DGKB: variants seen among roughly 807,000 people sequenced by gnomAD.
DGKB encodes the protein 90 kDa diacylglycerol kinase.
In DGKB, 67 loss-of-function variants were observed where a neutral mutation model predicts 114.3. The observed-to-expected ratio is 0.59, with a 90% CI of 0.48 to 0.72. DGKB has a LOEUF of 0.72. Among genes scored for constraint, DGKB ranks in the 30% least tolerant of loss-of-function variants. DGKB has a pLI of 0.00. For missense variants in DGKB, 907 were observed against 975.2 expected (o/e 0.93, Z 0.93); for synonymous variants, 398 against 323.1 (o/e 1.23, Z -2.49).
chr7:14,816,073 G>C (rs112326592), intron 2 of DGKB, among the ~76,000 whole-genome samples: 5,777 of 152,226 alleles, frequency 0.038, 363 homozygotes, highest in African/African-American at 0.13. Context: ...GCTCACGTCT[G>C]TAATCCCAGC....
chr7:14,831,320 G>A (rs1586789012), intron 2 of DGKB, among the ~76,000 whole-genome samples: 1 of 151,886 alleles, frequency 6.6e-6, no homozygotes, highest in Non-Finnish European at 1.5e-5. Flanking sequence ...AATATTTATT[G>A]AAAGATAATT....
Position 14,273,044 on chromosome 7 carries a change from A to G in DGKB, c.2122+65471T>C, listed in dbSNP as rs116374500. ...TTGTTACACTATTAGTTCTGAATTC[A>G]TTAGAAAGATCACAGTGGGGTCTAG... On this transcript the variant is annotated intron_variant, in intron 23 of 25. Transcript: ENST00000402815. 9.1e-3 allele frequency among the ~76,000 whole-genome samples: 1,381 copies of G among 152,280 alleles called. 20 individuals are homozygous for G. Among genetic ancestry groups the G allele is most frequent in the African/African-American group, 0.032 (1,310 of 41,554 alleles).
At chr7:14,475,716 A>T (rs1319393690) in intron 21 of DGKB, among the ~76,000 whole-genome samples, 5 of 152,128 alleles carry the variant, frequency 3.3e-5, no homozygotes, top group Non-Finnish European at 7.4e-5. Flanking sequence ...AGAAGTTTTA[A>T]TACAGTTAGT....
At chr7:14,504,122 T>C (rs1203508871) in intron 20 of DGKB, among the ~76,000 whole-genome samples, 1 of 152,190 alleles carries the variant, frequency 6.6e-6, no homozygotes, top group Admixed American at 6.5e-5. Flanking sequence ...CACAATACAC[T>C]ATATCATAGT....
At chr7:14,223,234 A>G (rs1584547492) in intron 23 of DGKB, among the ~76,000 whole-genome samples, 2 of 151,686 alleles carry the variant, frequency 1.3e-5, no homozygotes, top group East Asian at 3.9e-4. Context: ...TTTTGCATTT[A>G]GTATTTTCAA....
At chr7:14,828,958 C>G (rs1846061083) in intron 2 of DGKB, among the ~76,000 whole-genome samples, 1 of 152,006 alleles carries the variant, frequency 6.6e-6, no homozygotes, top group South Asian at 2.1e-4. Flanking sequence ...AACTTGCAAC[C>G]AGACTAATGT....
intron 1 of DGKB, among the ~76,000 whole-genome samples, chr7:14,932,937 T>C (rs897727375): frequency 6.6e-6 from 1 of 152,146 alleles, no homozygotes; most frequent in African/African-American, 2.4e-5. Context: ...GTCGGTCCAG[T>C]AATACCAAAT....
In DGKB at chr7:14,736,208, AT is replaced by A. The variant is rs748147179; in HGVS notation, c.169-15del. 1.6e-5 allele frequency: 18 copies of A among 1,099,584 alleles called. No homozygotes were observed. The highest frequency in any genetic ancestry group is 2.4e-5 in the Non-Finnish European group (18 of 746,516). The allele number at this position is 1,099,584 out of a possible 1,614,324, so 68.1% of individuals were successfully genotyped here. A position where few individuals can be genotyped will look rare whatever the true frequency, so the allele number is the denominator to read the frequency against. On this transcript the variant is annotated splice_polypyrimidine_tract_variant and intron_variant, in intron 4 of 25. Coordinates refer to ENST00000402815, the MANE Select transcript of DGKB (RefSeq NM_001350709.2). ...AAAATCTATTGTCTGGAAAAAAAAA[AT>A]GTAAACATGTATTTTAAGATCCAAC...
At chr7:14,191,993 C>A in intron 23 of DGKB, 1 of 583,488 alleles carries the variant, frequency 1.7e-6, no homozygotes, top group South Asian at 1.5e-5. Context: ...TGGCAAGCTC[C>A]TGTGTTGAGA....
chr7:14,416,815 G>A (rs1447685621), intron 21 of DGKB, among the ~76,000 whole-genome samples: 1 of 151,896 alleles, frequency 6.6e-6, no homozygotes, highest in Admixed American at 6.6e-5. Flanking sequence ...CTTTTTACTG[G>A]GTTTAAATTA....
intron 21 of DGKB, among the ~76,000 whole-genome samples, chr7:14,371,154 G>C (rs1817571338): frequency 6.6e-6 from 1 of 152,112 alleles, no homozygotes; most frequent in South Asian, 2.1e-4. Context: ...CTTTTTGGTA[G>C]AATCATTTAT....
chr7:14,578,469 T>C (rs10235647), intron 19 of DGKB, among the ~76,000 whole-genome samples: 8,487 of 152,270 alleles, frequency 0.056, 800 homozygotes, highest in African/African-American at 0.19. Flanking sequence ...AATCCCACCG[T>C]AAAGCATATT....
intron 25 of DGKB, among the ~76,000 whole-genome samples, chr7:14,169,402 C>T (rs1468361023): frequency 6.6e-6 from 1 of 150,568 alleles, no homozygotes; most frequent in East Asian, 1.9e-4. Flanking sequence ...AACCATGAGT[C>T]CTAGATAACT....
At chr7:14,882,037 G>GT (rs1316871484) in intron 1 of DGKB, among the ~76,000 whole-genome samples, 1 of 151,462 alleles carries the variant, frequency 6.6e-6, no homozygotes, top group Non-Finnish European at 1.5e-5. Flanking sequence ...AGCTTATTTT[G>GT]TATTTTTTAT....
intron 4 of DGKB, among the ~76,000 whole-genome samples, chr7:14,745,516 G>A (rs528723404): frequency 1.3e-5 from 2 of 152,294 alleles, no homozygotes; most frequent in African/African-American, 4.8e-5. Flanking sequence ...AGGGGGGCTT[G>A]CCTAAGCATG....
intron 25 of DGKB, among the ~76,000 whole-genome samples, chr7:14,159,833 C>T (rs890403639): frequency 1.3e-5 from 2 of 151,940 alleles, no homozygotes; most frequent in African/African-American, 2.4e-5. Flanking sequence ...CCACCACGCC[C>T]AGCTAATTTT....
chr7:14,468,973 A>G (rs2128882993), intron 21 of DGKB, among the ~76,000 whole-genome samples: 1 of 152,222 alleles, frequency 6.6e-6, no homozygotes, highest in African/African-American at 2.4e-5. Flanking sequence ...TTTGCATGGA[A>G]ATGATAATAA....
intron 20 of DGKB, among the ~76,000 whole-genome samples, chr7:14,511,753 T>C (rs939297028): frequency 3.3e-5 from 5 of 152,186 alleles, no homozygotes; most frequent in Admixed American, 6.5e-5. Context: ...GTGACAGATA[T>C]GCAACTCTTC....
At chr7:14,383,143 A>G (rs577754836) in intron 21 of DGKB, among the ~76,000 whole-genome samples, 1 of 152,286 alleles carries the variant, frequency 6.6e-6, no homozygotes, top group Admixed American at 6.5e-5. Flanking sequence ...TCTATTTTCA[A>G]TAGTATCTCC....
Sources: gnomAD v4.1 joint callset for allele counts (sites outside exome capture counted in the v4.1 genomes callset) on GRCh38, gnomAD v4.1.1 for gene constraint, MANE v1.5 for transcripts, NCBI Gene and HGNC (gene_info 2026-07-23, HGNC 2026-07-21) for gene names.